The following ARHGAP18 variants were observed in gnomAD, a reference collection of about 807,000 sequenced individuals.
ARHGAP18 encodes rho GTPase-activating protein 18.
In ARHGAP18, 67 loss-of-function variants were observed where a neutral mutation model predicts 86.2. The observed-to-expected ratio is 0.78, with a 90% CI of 0.64 to 0.95. ARHGAP18 has a LOEUF of 0.95. ARHGAP18 is among the 40% of genes least tolerant of loss of function. The probability of loss-of-function intolerance (pLI) is 0.00; values close to 1 mark genes in which losing one functional copy is unlikely to be tolerated. For synonymous variants in ARHGAP18, 283 were observed against 280.4 expected (o/e 1.01, Z -0.09); for missense variants, 691 against 780.4 (o/e 0.89, Z 1.37).
intron 1 of ARHGAP18, among the ~76,000 whole-genome samples, chr6:129,662,567 G>A (rs1773973912): frequency 6.6e-6 from 1 of 152,204 alleles, no homozygotes; most frequent in Non-Finnish European, 1.5e-5. Context: ...GTAGTCAGAT[G>A]GCCTCCTTCG....
intron 1 of ARHGAP18, among the ~76,000 whole-genome samples, chr6:129,670,184 A>T (rs1361561285): frequency 1.3e-5 from 2 of 152,266 alleles, no homozygotes; most frequent in African/African-American, 4.8e-5. Context: ...ATTTGTGACT[A>T]CAGTGTGTGC....
At chr6:129,599,427 AT>A in intron 11 of ARHGAP18, 71 bp from the exon 12 acceptor site, 1 of 1,266,538 alleles carries the variant, frequency 7.9e-7, no homozygotes, top group Non-Finnish European at 1.0e-6. Flanking sequence ...AAAAAAAATT[AT>A]ATTTTTTTAA....
chr6:129,636,126 C>T (rs1314078945), intron 3 of ARHGAP18, among the ~76,000 whole-genome samples: 1 of 152,164 alleles, frequency 6.6e-6, no homozygotes, highest in African/African-American at 2.4e-5. Context: ...CATTTTTCTT[C>T]AGCTGGAAAC....
intron 2 of ARHGAP18, among the ~76,000 whole-genome samples, chr6:129,641,393 C>G (rs1375799354): frequency 1.3e-5 from 2 of 152,142 alleles, no homozygotes; most frequent in African/African-American, 4.8e-5. Flanking sequence ...ATCAATAAAA[C>G]AAAGATCAAA....
At chr6:129,618,238 C>T (rs1000545640) in intron 6 of ARHGAP18, among the ~76,000 whole-genome samples, 1 of 151,872 alleles carries the variant, frequency 6.6e-6, no homozygotes, top group Non-Finnish European at 1.5e-5. Context: ...ATTAGAATGT[C>T]CAGGAACAAA....
chr6:129,606,855 G>A (rs977293392), intron 9 of ARHGAP18, among the ~76,000 whole-genome samples: 5 of 149,340 alleles, frequency 3.3e-5, no homozygotes, highest in Non-Finnish European at 4.5e-5. Flanking sequence ...GTAGCTCACC[G>A]CAATTTATTC....
At chr6:129,686,593 G>A (rs1296164538) in intron 1 of ARHGAP18, among the ~76,000 whole-genome samples, 20 of 152,326 alleles carry the variant, frequency 1.3e-4, no homozygotes, top group Non-Finnish European at 4.4e-5. Flanking sequence ...CTAGGATACT[G>A]AGAAAGCCAC....
In ARHGAP18 at chr6:129,625,359, ATG is replaced by A. The variant is rs1450029556; in HGVS notation, c.786+3992_786+3993del. 1.9e-4 allele frequency among the ~76,000 whole-genome samples: 12 copies of A among 64,466 alleles called. 1 individual carries two copies. Among genetic ancestry groups the A allele is most frequent in the African/African-American group, 9.4e-4 (10 of 10,616 alleles). The allele number at this position is 64,466 out of a possible 152,430, so 42.3% of individuals were successfully genotyped here. Reference sequence around the variant, plus strand: ...TATATATTTATATGTAATATATATTATGTATATTTATATATATTATATATTAT... The same window carrying A: ...TATATATTTATATGTAATATATATTATATATTTATATATATTATATATTAT... On this transcript the variant is annotated intron_variant, in intron 5 of 14. Coordinates refer to ENST00000368149, the MANE Select transcript of ARHGAP18 (RefSeq NM_033515.3).
At chr6:129,682,077 A>G (rs939278148) in intron 1 of ARHGAP18, among the ~76,000 whole-genome samples, 1 of 152,246 alleles carries the variant, frequency 6.6e-6, no homozygotes, top group African/African-American at 2.4e-5. Flanking sequence ...TTTACATACA[A>G]TTATTTTTTA....
At chr6:129,698,526 T>C (rs1357312438) in intron 1 of ARHGAP18, among the ~76,000 whole-genome samples, 1 of 143,930 alleles carries the variant, frequency 6.9e-6, no homozygotes, top group Non-Finnish European at 1.5e-5. Context: ...AGCATGGTGT[T>C]AAAGCACTTT....
At chr6:129,609,734 G>C (rs17057518) in intron 8 of ARHGAP18, among the ~76,000 whole-genome samples, 2,473 of 152,198 alleles carry the variant, frequency 0.016, 95 homozygotes, top group African/African-American at 0.057. Flanking sequence ...GTTTCAGGGA[G>C]CTCTAAGTAC....
chr6:129,609,081 G>A (rs1788921354), intron 8 of ARHGAP18, among the ~76,000 whole-genome samples: 1 of 143,948 alleles, frequency 6.9e-6, no homozygotes, highest in African/African-American at 2.5e-5. Flanking sequence ...GAGAGAGAGG[G>A]GGCATGGAGG....
At chr6:129,623,197 C>T (rs991720491) in intron 5 of ARHGAP18, among the ~76,000 whole-genome samples, 2 of 152,004 alleles carry the variant, frequency 1.3e-5, no homozygotes, top group Non-Finnish European at 2.9e-5. Context: ...CTTTTTTACT[C>T]ATCAGATCAC....
chr6:129,580,157 A>G, intron 13 of ARHGAP18, 26 bp from the exon 14 acceptor site: 1 of 1,598,412 alleles, frequency 6.3e-7, no homozygotes, highest in Non-Finnish European at 8.6e-7. Context: ...CAAACCGATT[A>G]GTTGTATCAT....
Position 129,638,472 on chromosome 6 carries a change from G to C in ARHGAP18, c.474C>G (p.Thr158=). The stretch of plus-strand genomic sequence containing the variant: ...GGTACTGTTTGTTTTTTTTCCTCAA[G>C]GTCTGGGAGACCGTCTCTACTCGCT... ...VQKRVETVSQ[T]LRKKNKQYQI... The change falls in exon 3 of 15, where the codon ACC becomes ACG. Residue 158 remains threonine, a synonymous_variant. Coordinates refer to ENST00000368149, the MANE Select transcript of ARHGAP18 (RefSeq NM_033515.3). 1 of 1,613,854 alleles carries C rather than the reference G, an allele frequency of 6.2e-7. No homozygotes were observed. Among genetic ancestry groups the C allele is most frequent in the South Asian group, 1.1e-5 (1 of 91,064 alleles).
intron 4 of ARHGAP18, among the ~76,000 whole-genome samples, chr6:129,630,529 A>G (rs777080445): frequency 1.9e-4 from 29 of 152,254 alleles, no homozygotes; most frequent in Non-Finnish European, 4.0e-4. Flanking sequence ...GATGGAAGCT[A>G]AAGTTAATTT....
chr6:129,582,695 T>C (rs1788313390), intron 13 of ARHGAP18, among the ~76,000 whole-genome samples: 1 of 152,220 alleles, frequency 6.6e-6, no homozygotes, highest in Non-Finnish European at 1.5e-5. Context: ...CCCAGATCTA[T>C]GATGCTCTGT....
intron 1 of ARHGAP18, among the ~76,000 whole-genome samples, chr6:129,707,667 T>G (rs1450808189): frequency 1.0e-5 from 1 of 95,312 alleles, no homozygotes; most frequent in East Asian, 3.1e-4. Flanking sequence ...TTTTTTTTTT[T>G]GTATTTTTGG....
At chr6:129,581,532 T>C (rs1490858424) in intron 13 of ARHGAP18, among the ~76,000 whole-genome samples, 2 of 152,146 alleles carry the variant, frequency 1.3e-5, no homozygotes, top group Non-Finnish European at 2.9e-5. Context: ...GAAAAACATC[T>C]AGTTAGATAT....
Sources: gnomAD v4.1 joint callset for allele counts (sites outside exome capture counted in the v4.1 genomes callset) on GRCh38, gnomAD v4.1.1 for gene constraint, MANE v1.5 for transcripts, NCBI Gene and HGNC (gene_info 2026-07-23, HGNC 2026-07-21) for gene names.